Variants in C14orf93 observed in about 807,000 individuals in gnomAD.
The protein encoded by C14orf93 is uncharacterized protein C14orf93.
Under a neutral mutation model 44.0 loss-of-function variants are expected in C14orf93, and 23 were observed. That is an observed-to-expected ratio of 0.52 (90% CI 0.38 to 0.74). The LOEUF is 0.74. Among genes scored for constraint, C14orf93 ranks in the 30% least tolerant of loss-of-function variants. The probability of loss-of-function intolerance (pLI) is 0.00; values close to 1 mark genes in which losing one functional copy is unlikely to be tolerated. For synonymous variants in C14orf93, 253 were observed against 265.7 expected, an observed-to-expected ratio of 0.95 and a Z score of 0.46; for missense variants, 579 against 678.9, an observed-to-expected ratio of 0.85 and a Z score of 1.64.
intron 3 of C14orf93, among the ~76,000 whole-genome samples, chr14:22,992,962 C>T (rs1241501832): frequency 1.3e-5 from 2 of 152,094 alleles, no homozygotes; most frequent in Non-Finnish European, 2.9e-5. Flanking sequence ...TCACTGCAAC[C>T]TCCGCCTCCC....
intron 5 of C14orf93, among the ~76,000 whole-genome samples, chr14:22,989,141 C>A (rs1269556659): frequency 6.6e-6 from 1 of 152,060 alleles, no homozygotes; most frequent in African/African-American, 2.4e-5. Context: ...GCCACCCCAC[C>A]CAGTTAATTT....
intron 1 of C14orf93, chr14:23,005,153 C>T (rs562233375): frequency 2.0e-5 from 3 of 151,672 alleles, no homozygotes; most frequent in African/African-American, 7.3e-5. Context: ...AAAAAAATTA[C>T]AGGACTTAAC....
rs527461831 is a variant in C14orf93 at position 23,002,022 on chromosome 14, G to A, written c.-379-2620C>T. 7.5e-4 allele frequency among the ~76,000 whole-genome samples: 113 copies of A among 150,774 alleles called. 1 individual carries two copies. The highest frequency in any genetic ancestry group is 1.3e-3 in the Admixed American group (20 of 15,100). On this transcript the variant is annotated intron_variant, in intron 1 of 6. Transcript: ENST00000299088. ...AAATTAGCCGGGCGTGGTGGCGGGC[G>A]ACTGTAGTCCCAGCTACTCTGGAGG...
chr14:22,987,084 G>T lies in C14orf93; in HGVS notation c.*131C>A, dbSNP rs2045263018. ...GTGTTCTGCTTCCCCAGTAGAGACT[G>T]TGTTAAGAAAAGAGGCAAATTTGCT... On this transcript the variant is annotated 3_prime_UTR_variant, in exon 7 of 7. Transcript: ENST00000299088. This position sits in a 1 kb window ranked among gnomAD's most constrained non-coding sequence, Gnocchi z 5.6. 5.2e-6 allele frequency: 5 copies of T among 953,620 alleles called. No individual in the cohort carries two copies. Among genetic ancestry groups the T allele is most frequent in the Non-Finnish European group, 7.7e-6 (5 of 652,476 alleles). The allele number at this position is 953,620 out of a possible 1,614,324, so 59.1% of individuals were successfully genotyped here.
At chr14:22,992,017 G>A (rs763945209) in intron 3 of C14orf93, among the ~76,000 whole-genome samples, 3 of 152,190 alleles carry the variant, frequency 2.0e-5, no homozygotes, top group Non-Finnish European at 2.9e-5. Context: ...TAACAGAAAC[G>A]TGAATCGGAA....
At chr14:23,005,183 A>G (rs2046565785) in intron 1 of C14orf93, 1 of 152,244 alleles carries the variant, frequency 6.6e-6, no homozygotes, top group Admixed American at 6.6e-5. Flanking sequence ...GTCAGAGGTC[A>G]GAGCAAAGGC....
chr14:23,003,225 T>C lies in C14orf93; in HGVS notation c.-379-3823A>G, dbSNP rs75904808. Among the ~76,000 whole-genome samples the C allele has an allele frequency of 2.4e-3, 365 of 152,226 alleles. 1 individual carries two copies. Among genetic ancestry groups the C allele is most frequent in the African/African-American group, 8.4e-3 (348 of 41,552 alleles). ...ACAAATAGGTGTTTTCCTGAATTAA[T>C]TTGCCTATAAAAACTAGGTACAGTG... On this transcript the variant is annotated intron_variant, in intron 1 of 6. Transcript: ENST00000299088.
intron 1 of C14orf93, among the ~76,000 whole-genome samples, chr14:23,003,244 T>C (rs1411344557): frequency 6.6e-6 from 1 of 152,194 alleles, no homozygotes; most frequent in Non-Finnish European, 1.5e-5. Flanking sequence ...AAAAACTAGG[T>C]ACAGTGTGGT....
At chr14:22,990,043 CT>C (rs773646917) in intron 4 of C14orf93, 22 bp downstream of exon 4, 2 of 1,598,900 alleles carry the variant, frequency 1.3e-6, no homozygotes, top group Non-Finnish European at 1.7e-6. Context: ...CCTTCTAATT[CT>C]TTTTCCTCAA....
At chr14:22,991,525 G>A (rs570872332) in intron 3 of C14orf93, among the ~76,000 whole-genome samples, 3 of 151,214 alleles carry the variant, frequency 2.0e-5, no homozygotes, top group South Asian at 2.1e-4. Context: ...GATTACAGGT[G>A]TGAGCCACCG....
At chr14:23,007,811 C>T (rs1009747088) in intron 1 of C14orf93, among the ~76,000 whole-genome samples, 1 of 152,016 alleles carries the variant, frequency 6.6e-6, no homozygotes, top group African/African-American at 2.4e-5. Context: ...TATGTGATGA[C>T]CTGTAGTGAT....
intron 2 of C14orf93, among the ~76,000 whole-genome samples, chr14:22,997,712 T>C (rs1316412929): frequency 6.6e-6 from 1 of 151,906 alleles, no homozygotes; most frequent in East Asian, 1.9e-4. Context: ...CTTCTTTTCT[T>C]CCCTCTTTCT....
intron 1 of C14orf93, among the ~76,000 whole-genome samples, chr14:23,002,354 AG>A (rs2046354067): frequency 6.7e-6 from 1 of 149,450 alleles, no homozygotes; most frequent in Non-Finnish European, 1.5e-5. Flanking sequence ...CAGGAGGCTG[AG>A]GGAGAAGAAT....
rs759432044 is a variant in C14orf93, at chr14:22,998,623, G to T, written c.401C>A (p.Ala134Asp). ...PGPLKESPGEAFKALSAVEEE... is the reference protein window; with the variant it reads ...PGPLKESPGEDFKALSAVEEE... Reference sequence around the variant, plus strand: ...TTCCACGGCAGACAGAGCCTTAAAGGCTTCCCCGGGACTTTCCTTGAGAGG... The same window carrying T: ...TTCCACGGCAGACAGAGCCTTAAAGTCTTCCCCGGGACTTTCCTTGAGAGG... Residue 134 changes from alanine to aspartate, a missense_variant, in exon 2 of 7, where the codon GCC (alanine) becomes GAC (aspartate). Transcript: ENST00000299088. 2 of 1,614,062 alleles carry T rather than the reference G, an allele frequency of 1.2e-6. No homozygotes were observed. Among genetic ancestry groups the T allele is most frequent in the South Asian group, 2.2e-5 (2 of 91,088 alleles).
intron 3 of C14orf93, among the ~76,000 whole-genome samples, chr14:22,991,220 AG>A (rs1441192134): frequency 1.3e-5 from 2 of 148,514 alleles, no homozygotes; most frequent in African/African-American, 2.5e-5. Flanking sequence ...CCCAGGCTGG[AG>A]TGCACTCATT....
rs142633192 is a variant in C14orf93 at position 23,007,708 on chromosome 14, CAAAT to C, written c.-380+2389_-380+2392del. ...ACCCTACGTTCCTGGATGTAGAAATCAAATAGCCTAGGAAATCAGGGATACGGGC... is the reference window on the plus strand; with the variant it reads ...ACCCTACGTTCCTGGATGTAGAAATCAGCCTAGGAAATCAGGGATACGGGC... On this transcript the variant is annotated intron_variant, in intron 1 of 6. Transcript: ENST00000299088. Among the ~76,000 whole-genome samples the C allele has an allele frequency of 5.2e-3, 785 of 152,194 alleles. 49 individuals carry two copies. In the East Asian group the frequency reaches 0.13, roughly 25 times the overall value.
At chr14:23,006,588 G>GC (rs1189353044) in intron 1 of C14orf93, 1 of 152,244 alleles carries the variant, frequency 6.6e-6, no homozygotes, top group African/African-American at 2.4e-5. Context: ...AGGACCCACT[G>GC]CATTTATGGA....
intron 3 of C14orf93, among the ~76,000 whole-genome samples, chr14:22,995,489 G>A (rs949090008): frequency 6.6e-6 from 1 of 152,098 alleles, no homozygotes; most frequent in Non-Finnish European, 1.5e-5. Flanking sequence ...AGACCAGCCT[G>A]ACCAACATGG....
chr14:22,997,225 G>A (rs1181286398), intron 2 of C14orf93, among the ~76,000 whole-genome samples: 3 of 152,192 alleles, frequency 2.0e-5, no homozygotes, highest in African/African-American at 4.8e-5. Context: ...ACAGACTGGG[G>A]TGAGCAGCAG....
Sources: allele counts gnomAD v4.1 joint callset (sites outside exome capture counted in the v4.1 genomes callset), GRCh38; gene constraint gnomAD v4.1.1; non-coding constraint Gnocchi (gnomAD v3.1); transcripts MANE v1.5; gene names NCBI Gene and HGNC (gene_info 2026-07-23, HGNC 2026-07-21).